The following HAVCR1 variants were observed in gnomAD, a reference collection of about 807,000 sequenced individuals.
HAVCR1 encodes the protein hepatitis A virus cellular receptor 1.
Under a neutral mutation model 32.0 loss-of-function variants are expected in HAVCR1, and 34 were observed. The observed-to-expected ratio is 1.06, with a 90% confidence interval of 0.81 to 1.42. The LOEUF (loss-of-function observed/expected upper bound fraction) is 1.42. Among genes scored for constraint, HAVCR1 ranks in the 40% most tolerant of loss-of-function variants. The pLI is 0.00. For synonymous variants in HAVCR1, 178 were observed against 170.3 expected (o/e 1.05, Z -0.35); for missense variants, 420 against 442.3 (o/e 0.95, Z 0.45).
chr5:157,066,173 A>G, the HAVCR1 span, among the ~76,000 whole-genome samples: 1 of 152,050 alleles, frequency 6.6e-6, no homozygotes, highest in African/African-American at 2.4e-5. Context: ...AAGCAAACGC[A>G]TCAAAGAACA....
the HAVCR1 span, among the ~76,000 whole-genome samples, chr5:157,068,429 T>A: frequency 9.3e-5 from 14 of 151,242 alleles, no homozygotes; most frequent in African/African-American, 2.2e-4. Flanking sequence ...ACAAAAAAAA[T>A]TTTTTTAATT....
chr5:157,045,691 G>A (rs1271783374), intron 5 of HAVCR1, among the ~76,000 whole-genome samples: 2 of 152,148 alleles, frequency 1.3e-5, no homozygotes, highest in Non-Finnish European at 2.9e-5. Context: ...TCAAAGGTGG[G>A]TAGTGGGCCA....
chr5:157,048,110 A>G (rs762626003), intron 5 of HAVCR1, among the ~76,000 whole-genome samples: 1 of 152,214 alleles, frequency 6.6e-6, no homozygotes, highest in Non-Finnish European at 1.5e-5. Context: ...GGACACAAAC[A>G]TTCAAATCAT....
At chr5:157,056,649 G>T (rs943795687) in intron 2 of HAVCR1, among the ~76,000 whole-genome samples, 1 of 151,676 alleles carries the variant, frequency 6.6e-6, no homozygotes, top group Non-Finnish European at 1.5e-5. Flanking sequence ...CAAAGTGCTG[G>T]GATTACAGGT....
intron 5 of HAVCR1, among the ~76,000 whole-genome samples, chr5:157,043,608 C>T (rs1470972305): frequency 2.0e-5 from 3 of 152,100 alleles, no homozygotes; most frequent in Non-Finnish European, 2.9e-5. Flanking sequence ...GCAGAGGTTT[C>T]GGTGAGCTGT....
chr5:157,044,611 GAAAGAGAA>G (rs1372149608), intron 5 of HAVCR1, among the ~76,000 whole-genome samples: 1,469 of 66,480 alleles, frequency 0.022, 15 homozygotes, highest in Middle Eastern at 0.038. Context: ...AAGAAAGAAA[GAAAGAGAA>G]AGAAAGAAAG....
Position 157,058,973 on chromosome 5 carries a change from G to A in HAVCR1, c.-65C>T, listed in dbSNP as rs1043824344. ...ATGCTGGGTAACCCTGAGAGTTCCTGAGTTCTCTTCAAACCTCTATTTCCT... is the reference window on the plus strand; with the variant it reads ...ATGCTGGGTAACCCTGAGAGTTCCTAAGTTCTCTTCAAACCTCTATTTCCT... On this transcript the variant is annotated 5_prime_UTR_variant, in exon 1 of 9. Coordinates refer to ENST00000523175, the MANE Select transcript of HAVCR1 (RefSeq NM_001173393.3). 2 of 152,142 alleles carry A rather than the reference G, an allele frequency of 1.3e-5. No individual in the cohort carries two copies. Among genetic ancestry groups the A allele is most frequent in the Non-Finnish European group, 2.9e-5 (2 of 68,032 alleles). 9.4% of individuals were successfully genotyped at this position (152,142 alleles called of 1,614,324 possible). A position where few individuals can be genotyped will look rare whatever the true frequency, so the allele number is the denominator to read the frequency against.
At chr5:157,053,460 G>A (rs1376808253) in intron 3 of HAVCR1, among the ~76,000 whole-genome samples, 2 of 150,316 alleles carry the variant, frequency 1.3e-5, no homozygotes, top group African/African-American at 2.4e-5. Context: ...CAAAAGCTAA[G>A]AGACTGCAAA....
intron 8 of HAVCR1, among the ~76,000 whole-genome samples, chr5:157,032,570 TC>T (rs61047347): frequency 0.21 from 32,400 of 152,154 alleles, 3,662 homozygotes; most frequent in Middle Eastern, 0.35. Context: ...AGCAAATCAT[TC>T]AATGTTTACT....
intron 7 of HAVCR1, among the ~76,000 whole-genome samples, chr5:157,034,560 G>C (rs1754414609): frequency 6.6e-6 from 1 of 151,430 alleles, no homozygotes; most frequent in African/African-American, 2.4e-5. Context: ...CCTCAGCACA[G>C]ACCCTTTACG....
At position 157,049,102 on chromosome 5, in the gene HAVCR1, A is replaced by T. The variant is rs1755591996; in HGVS notation, c.717T>A (p.Pro239=). ...TCCTTATTGCTCCCTGCAGTGTCGT[A>T]GGGTGGGTTTCTGCTGGCTGAGGTG... ...PSSPQPAETH[P]TTLQGAIRRE... is the part of the protein sequence containing the mutation. Residue 239 remains proline, a synonymous_variant, in exon 5 of 9, where the codon CCT becomes CCA. Coordinates refer to ENST00000523175, the MANE Select transcript of HAVCR1 (RefSeq NM_001173393.3). 6.2e-7 allele frequency: 1 copy of T among 1,613,224 alleles called. No individual in the cohort carries two copies. The highest frequency in any genetic ancestry group is 1.3e-5 in the African/African-American group (1 of 74,898).
At chr5:157,053,382 T>TAAAAAAAAAAAA (rs10654856) in intron 3 of HAVCR1, among the ~76,000 whole-genome samples, 1 of 116,816 alleles carries the variant, frequency 8.6e-6, no homozygotes, top group Non-Finnish European at 1.7e-5. Context: ...GACCCTGTCT[T>TAAAAAAAAAAAA]AAAAAAAAAA....
Position 157,029,492 on chromosome 5 carries a change from C to T in HAVCR1, c.*241G>A. ...AGTGTTCATATTTGAGAGAAAACTG[C>T]AATGATCAGAAGGATTGAGCCAGTT... is the stretch of plus-strand genomic sequence containing the variant. On this transcript the variant is annotated 3_prime_UTR_variant, in exon 9 of 9. Transcript: ENST00000523175. The T allele has an allele frequency of 2.3e-6, 2 of 858,348 alleles. No homozygotes were observed. Among genetic ancestry groups the T allele is most frequent in the Non-Finnish European group, 3.6e-6 (2 of 551,084 alleles). 53.2% of individuals were successfully genotyped at this position (858,348 alleles called of 1,614,324 possible).
chr5:157,065,762 G>T, the HAVCR1 span, among the ~76,000 whole-genome samples: 1 of 152,228 alleles, frequency 6.6e-6, no homozygotes, highest in South Asian at 2.1e-4. Flanking sequence ...GGCTGAGGCA[G>T]GAGAATTGCT....
chr5:157,044,676 A>AGAAAGAAAGAAAGAAAGAAAGGAG (rs142603344), intron 5 of HAVCR1, among the ~76,000 whole-genome samples: 4 of 109,542 alleles, frequency 3.7e-5, no homozygotes, highest in Admixed American at 2.8e-4. Context: ...AAAGAAAGAA[A>AGAAAGAAAGAAAGAAAGAAAGGAG]GGAGGGAGGG....
At chr5:157,063,417 C>T (rs1005330751), upstream of HAVCR1, among the ~76,000 whole-genome samples, 1 of 151,692 alleles carries the variant, frequency 6.6e-6, no homozygotes, top group Non-Finnish European at 1.5e-5. Flanking sequence ...TCCCAAGAAG[C>T]TGGGATTACA....
chr5:157,050,753 T>C (rs1439929153), intron 4 of HAVCR1, among the ~76,000 whole-genome samples: 3 of 152,210 alleles, frequency 2.0e-5, no homozygotes, highest in Non-Finnish European at 2.9e-5. Flanking sequence ...ACAGACTCTC[T>C]AGTGTGTGCG....
chr5:157,052,859 G>C (rs1398998889), intron 3 of HAVCR1, among the ~76,000 whole-genome samples: 1 of 152,180 alleles, frequency 6.6e-6, no homozygotes, highest in Non-Finnish European at 1.5e-5. Context: ...AAGAAAAGCA[G>C]ATGTATTGAA....
At chr5:157,067,581 G>C in the HAVCR1 span, among the ~76,000 whole-genome samples, 3 of 152,164 alleles carry the variant, frequency 2.0e-5, no homozygotes, top group African/African-American at 7.2e-5. Context: ...TGAGATTGAA[G>C]GATCAATTGA....
Sources: gnomAD v4.1 joint callset for allele counts (sites outside exome capture counted in the v4.1 genomes callset) on GRCh38, gnomAD v4.1.1 for gene constraint, MANE v1.5 for transcripts, NCBI Gene and HGNC (gene_info 2026-07-23, HGNC 2026-07-21) for gene names.